BRD10: variants seen among roughly 807,000 people sequenced by gnomAD.
BRD10 encodes the protein bromodomain containing 10, also known as uncharacterized bromodomain-containing protein 10.
At chr9:5,918,837 A>AT in the BRD10 span, among the ~76,000 whole-genome samples, 1 of 148,308 alleles carries the variant, frequency 6.7e-6, no homozygotes, top group African/African-American at 2.5e-5. Flanking sequence ...AAAAAAAGGC[A>AT]TTTTCTGAAA....
chr9:5,919,670 C>G, the BRD10 span: 3 of 1,581,888 alleles, frequency 1.9e-6, no homozygotes, highest in Admixed American at 5.8e-5. Context: ...AAAACTGGCT[C>G]TTTTAGTCTA....
the BRD10 span, among the ~76,000 whole-genome samples, chr9:5,938,103 T>C: frequency 2.0e-5 from 3 of 152,216 alleles, no homozygotes; most frequent in Non-Finnish European, 2.9e-5. Context: ...TGGTGACTTA[T>C]GAATAAACAG....
At chr9:5,908,212 AG>A in the BRD10 span, among the ~76,000 whole-genome samples, 1 of 152,222 alleles carries the variant, frequency 6.6e-6, no homozygotes, top group Non-Finnish European at 1.5e-5. Context: ...CATTAAATGA[AG>A]CCCTGACACA....
the BRD10 span, among the ~76,000 whole-genome samples, chr9:5,938,347 T>TG: frequency 0.044 from 6,683 of 152,084 alleles, 414 homozygotes; most frequent in African/African-American, 0.13. Context: ...AAGGCTGAGG[T>TG]GGGAGAATCA....
the BRD10 span, among the ~76,000 whole-genome samples, chr9:5,962,352 A>C: frequency 9.0e-6 from 1 of 111,066 alleles, no homozygotes. Context: ...CCCAAGACTA[A>C]ACCAGGAAGA....
the BRD10 span, among the ~76,000 whole-genome samples, chr9:5,891,771 A>C: frequency 6.6e-6 from 1 of 152,226 alleles, no homozygotes; most frequent in African/African-American, 2.4e-5. Flanking sequence ...AAATTGACTT[A>C]AGTAGGAAGG....
chr9:5,932,502 T>C, the BRD10 span, among the ~76,000 whole-genome samples: 1 of 152,176 alleles, frequency 6.6e-6, no homozygotes. Context: ...CAATATAGTA[T>C]AACCAGTATT....
the BRD10 span, chr9:5,908,921 A>C: frequency 5.5e-6 from 3 of 548,178 alleles, no homozygotes; most frequent in Admixed American, 6.7e-5. Context: ...AAACTCCATC[A>C]ATAAATGTTG....
chr9:5,880,625 G>C, the BRD10 span, among the ~76,000 whole-genome samples: 1 of 151,992 alleles, frequency 6.6e-6, no homozygotes, highest in Non-Finnish European at 1.5e-5. Context: ...GAAGAAATTA[G>C]AAAACATGAC....
chr9:5,884,863 G>C, the BRD10 span, among the ~76,000 whole-genome samples: 6 of 152,204 alleles, frequency 3.9e-5, no homozygotes, highest in Non-Finnish European at 8.8e-5. Context: ...TCACCTGCGA[G>C]ACTTGGGCCA....
chr9:5,969,483 T>A, the BRD10 span: 1 of 1,221,478 alleles, frequency 8.2e-7, no homozygotes, highest in Non-Finnish European at 1.1e-6. Flanking sequence ...GAGGGTACCA[T>A]AAAATGATAA....
At chr9:5,933,464 G>T in the BRD10 span, among the ~76,000 whole-genome samples, 1 of 152,146 alleles carries the variant, frequency 6.6e-6, no homozygotes, top group Non-Finnish European at 1.5e-5. Flanking sequence ...CTCATCCAAT[G>T]TCCACGGCAG....
chr9:5,958,871 A>G, the BRD10 span, among the ~76,000 whole-genome samples: 1 of 152,176 alleles, frequency 6.6e-6, no homozygotes, highest in African/African-American at 2.4e-5. Flanking sequence ...ACAGAACTAG[A>G]GCCTAAACTT....
At chr9:5,887,079 C>CA in the BRD10 span, among the ~76,000 whole-genome samples, 1 of 152,030 alleles carries the variant, frequency 6.6e-6, no homozygotes, top group African/African-American at 2.4e-5. Context: ...GCCAAAATAG[C>CA]AAAATCCTGT....
chr9:5,914,754 T>A, the BRD10 span, among the ~76,000 whole-genome samples: 650 of 152,266 alleles, frequency 4.3e-3, 4 homozygotes, highest in African/African-American at 0.015. Flanking sequence ...AATTCTTGAC[T>A]ATTTTTTAGA....
the BRD10 span, chr9:6,007,293 C>T: frequency 6.2e-7 from 1 of 1,613,944 alleles, no homozygotes; most frequent in Admixed American, 1.7e-5. Flanking sequence ...AGCACGTCTC[C>T]AGCATCAACC....
At chr9:5,978,802 C>G in the BRD10 span, among the ~76,000 whole-genome samples, 1 of 152,170 alleles carries the variant, frequency 6.6e-6, no homozygotes. Context: ...CTACTACCAC[C>G]TTTATCAAAA....
the BRD10 span, among the ~76,000 whole-genome samples, chr9:5,999,589 G>T: frequency 2.0e-5 from 3 of 151,898 alleles, no homozygotes; most frequent in African/African-American, 7.3e-5. Flanking sequence ...AGCATATTAG[G>T]CCCTCTGTGA....
At chr9:6,000,773 C>G in the BRD10 span, among the ~76,000 whole-genome samples, 1 of 152,154 alleles carries the variant, frequency 6.6e-6, no homozygotes, top group Admixed American at 6.5e-5. Context: ...AGCATTTCAG[C>G]TTTTAATATA....
Sources: gnomAD v4.1 joint callset for allele counts (sites outside exome capture counted in the v4.1 genomes callset) on GRCh38, gnomAD v4.1.1 for gene constraint, MANE v1.5 for transcripts, NCBI Gene and HGNC (gene_info 2026-07-23, HGNC 2026-07-21) for gene names.